Variants in CAPN7 observed in about 807,000 individuals in gnomAD.
The protein encoded by CAPN7 is calpain 7, also known as calpain-7.
In CAPN7, 72 loss-of-function variants were observed where a neutral mutation model predicts 115.2. The ratio of observed to expected loss-of-function variants is 0.63; its 90% CI spans 0.52 to 0.76. CAPN7 has a LOEUF of 0.76. Among genes scored for constraint, CAPN7 ranks in the 30% least tolerant of loss-of-function variants. The pLI is 0.00. For synonymous variants in CAPN7, 344 were observed against 322.3 expected, an observed-to-expected ratio of 1.07 and a Z score of -0.72; for missense variants, 905 against 971.5, an observed-to-expected ratio of 0.93 and a Z score of 0.91.
chr3:15,251,289 T>C lies in CAPN7; in HGVS notation c.*29T>C. 1 of 1,548,224 alleles carries C rather than the reference T, an allele frequency of 6.5e-7. No homozygotes were observed. Among genetic ancestry groups the C allele is most frequent in the South Asian group, 1.2e-5 (1 of 82,024 alleles). ...AGAAATCTCAAGTTACTGGCTTTTA[T>C]ACTTACCAAACATCAGTTCTTCAAA... On this transcript the variant is annotated 3_prime_UTR_variant, in exon 21 of 21. Transcript: ENST00000253693.
chr3:15,218,368 T>A, intron 3 of CAPN7, 105 bp from the exon 4 acceptor site: 1 of 714,766 alleles, frequency 1.4e-6, no homozygotes, highest in Non-Finnish European at 2.4e-6. Flanking sequence ...GTTCTCAATT[T>A]CAGCAAGTGT....
chr3:15,229,081 C>T (rs373267306), intron 8 of CAPN7, 22 bp downstream of exon 8: 158 of 1,545,194 alleles, frequency 1.0e-4, no homozygotes, highest in Admixed American at 3.9e-4. Flanking sequence ...TCTCTCTTTA[C>T]CTCTTTTTGT....
intron 4 of CAPN7, among the ~76,000 whole-genome samples, chr3:15,220,518 G>T (rs551517821): frequency 1.3e-5 from 2 of 152,152 alleles, no homozygotes; most frequent in Non-Finnish European, 2.9e-5. Context: ...TGTTTTATAC[G>T]TTCTTTTATA....
chr3:15,220,677 T>G, intron 4 of CAPN7, 104 bp from the exon 5 acceptor site: 1 of 892,600 alleles, frequency 1.1e-6, no homozygotes, highest in East Asian at 2.6e-5. Flanking sequence ...ATACTAATTT[T>G]ACATTAGGGA....
At chr3:15,239,614 G>A (rs1450501347) in intron 12 of CAPN7, among the ~76,000 whole-genome samples, 1 of 152,198 alleles carries the variant, frequency 6.6e-6, no homozygotes, top group African/African-American at 2.4e-5. Flanking sequence ...CAGATTGCTA[G>A]CACTATGAAG....
rs1186193981 is a variant in CAPN7, at chr3:15,235,144, A to G, written c.1406A>G (p.Lys469Arg). Residue 469 changes from lysine to arginine, a missense_variant and splice_region_variant, in exon 12 of 21, where the codon AAG (lysine) becomes AGG (arginine). Transcript: ENST00000253693. Reference protein sequence around the residue: ...AYAVLDIREFKGLRFIQLKNP... With the variant: ...AYAVLDIREFRGLRFIQLKNP... ...GCTGTTTTGGATATTAGAGAGTTCA[A>G]GGTTTTGCCTTAAATCTTTTTCTTT... 6.3e-7 allele frequency: 1 copy of G among 1,591,224 alleles called. No individual in the cohort carries two copies.
chr3:15,229,184 A>C (rs1694517406), intron 8 of CAPN7, 125 bp downstream of exon 8: 3 of 645,676 alleles, frequency 4.6e-6, no homozygotes, highest in Non-Finnish European at 5.5e-6. Flanking sequence ...CCTTCTGTAG[A>C]AATTAAGCAG....
At chr3:15,223,331 G>T in intron 5 of CAPN7, 144 bp from the exon 6 acceptor site, 1 of 605,752 alleles carries the variant, frequency 1.7e-6, no homozygotes, top group Non-Finnish European at 2.9e-6. Context: ...TGAAAATATT[G>T]TCCAAAGATA....
chr3:15,209,872 T>C (rs949543937), intron 1 of CAPN7, among the ~76,000 whole-genome samples: 2 of 152,256 alleles, frequency 1.3e-5, no homozygotes, highest in African/African-American at 4.8e-5. Context: ...AAATTATTTA[T>C]ATAAGCTTCA....
intron 19 of CAPN7, 46 bp downstream of exon 19, chr3:15,247,503 A>T (rs1452899276): frequency 2.7e-6 from 4 of 1,506,716 alleles, no homozygotes; most frequent in Non-Finnish European, 3.6e-6. Flanking sequence ...TCTATTACAA[A>T]TGAACATAGT....
In CAPN7 at chr3:15,212,140, G is replaced by A. The variant is rs2044989335; in HGVS notation, c.139G>A (p.Gly47Arg). 6.2e-7 allele frequency: 1 copy of A among 1,610,548 alleles called. No individual in the cohort carries two copies. Among genetic ancestry groups the A allele is most frequent in the Non-Finnish European group, 8.5e-7 (1 of 1,178,136 alleles). ...AGCCTTAATTTATGCTGAGATGGCA[G>A]GATCAAGCCTAGAAAATATTCAAGA... ...AQALIYAEMAGSSLENIQEKI... is the reference protein window; with the variant it reads ...AQALIYAEMARSSLENIQEKI... The change falls in exon 2 of 21, where the codon GGA (glycine) becomes AGA (arginine). Residue 47 changes from glycine to arginine, a missense_variant. By Grantham distance (125) the Gly-to-Arg change is moderately radical. Transcript: ENST00000253693.
chr3:15,234,631 T>A (rs572209740), intron 11 of CAPN7, among the ~76,000 whole-genome samples: 20 of 152,308 alleles, frequency 1.3e-4, no homozygotes, highest in African/African-American at 4.8e-4. Context: ...CATATCCATT[T>A]AAGGGACTGG....
rs1379248929 is a variant in CAPN7, at chr3:15,241,582, A to G, written c.1782A>G (p.Thr594=). 2 of 1,613,806 alleles carry G rather than the reference A, an allele frequency of 1.2e-6. No homozygotes were observed. The highest frequency in any genetic ancestry group is 8.5e-7 in the Non-Finnish European group (1 of 1,179,834). ...GGGTTTTGCTTAGTAGACACATAAC[A>G]GACAAGGTACTGATACCCTTCTAAT... ...AVWVLLSRHI[T]DKDDFANNRE... The change falls in exon 15 of 21, where the codon ACA becomes ACG. Residue 594 remains threonine (T), a synonymous_variant. Coordinates refer to ENST00000253693, the MANE Select transcript of CAPN7 (RefSeq NM_014296.3).
At chr3:15,214,170 A>G (rs1000764969) in intron 2 of CAPN7, among the ~76,000 whole-genome samples, 1 of 152,088 alleles carries the variant, frequency 6.6e-6, no homozygotes, top group Non-Finnish European at 1.5e-5. Context: ...GTGAGCCACC[A>G]TGCCTGGCCT....
Position 15,217,453 on chromosome 3 carries a change from G to A in CAPN7, c.240G>A (p.Lys80=). The A allele has an allele frequency of 1.9e-6, 3 of 1,613,360 alleles. No homozygotes were observed. The highest frequency in any genetic ancestry group is 2.5e-6 in the Non-Finnish European group (3 of 1,179,716). Residue 80 remains lysine (K), a synonymous_variant, in exon 3 of 21, where the codon AAG becomes AAA. Transcript: ENST00000253693. Reference sequence around the variant, plus strand: ...AGTCAAAGAGTGCTGATCCTTTGAAGTCAAAACATCAGTTGGACTTAGAGC... The same window carrying A: ...AGTCAAAGAGTGCTGATCCTTTGAAATCAAAACATCAGTTGGACTTAGAGC... ...AVQSKSADPL[K]SKHQLDLERA... is the part of the protein sequence containing the mutation.
chr3:15,245,841 A>C, intron 17 of CAPN7, 170 bp downstream of exon 17: 1 of 512,856 alleles, frequency 1.9e-6, no homozygotes, highest in South Asian at 4.0e-5. Flanking sequence ...AGAAAATAAT[A>C]CATTTGAAAA....
chr3:15,239,259 A>G (rs950589193), intron 12 of CAPN7, among the ~76,000 whole-genome samples: 1 of 152,178 alleles, frequency 6.6e-6, no homozygotes, highest in Non-Finnish European at 1.5e-5. Flanking sequence ...TAGCAAAGGA[A>G]TGTGTTGTTG....
intron 10 of CAPN7, 80 bp downstream of exon 10, chr3:15,232,745 G>A: frequency 1.6e-6 from 2 of 1,260,688 alleles, no homozygotes; most frequent in Admixed American, 5.4e-5. Context: ...ATTCTAGATA[G>A]TCTTTTTGTT....
intron 7 of CAPN7, among the ~76,000 whole-genome samples, 181 bp from the exon 8 acceptor site, chr3:15,228,793 C>T (rs904921356): frequency 2.0e-5 from 3 of 152,136 alleles, no homozygotes; most frequent in Non-Finnish European, 4.4e-5. Flanking sequence ...ATATGTACAA[C>T]AAACACCTGT....
Sources: gnomAD v4.1 joint callset for allele counts (sites outside exome capture counted in the v4.1 genomes callset) on GRCh38, gnomAD v4.1.1 for gene constraint, MANE v1.5 for transcripts, NCBI Gene and HGNC (gene_info 2026-07-23, HGNC 2026-07-21) for gene names.